Variants in EYS observed in about 807,000 individuals in gnomAD.
EYS encodes EGF-like photoreceptor maintenance factor, also known as protein eyes shut homolog.
Under a neutral mutation model 282.1 loss-of-function variants are expected in EYS, and 250 were observed. That is an observed-to-expected ratio of 0.89 (90% CI 0.80 to 0.98). The LOEUF is 0.98. Ranked by LOEUF, EYS falls within the 50% of genes least tolerant of loss-of-function variation. The probability of loss-of-function intolerance (pLI) is 0.00; values close to 1 mark genes in which losing one functional copy is unlikely to be tolerated. For synonymous variants in EYS, 1,355 were observed against 1,282.9 expected (o/e 1.06, Z -1.20); for missense variants, 4,016 against 3,709.0 (o/e 1.08, Z -2.15).
At chr6:65,407,781 G>C (rs1562159480) in intron 5 of EYS, among the ~76,000 whole-genome samples, 1 of 136,880 alleles carries the variant, frequency 7.3e-6, no homozygotes, top group Non-Finnish European at 1.6e-5. Context: ...GTGTGTGTGT[G>C]TGTGTATGTC....
In EYS at chr6:63,721,192, ACCTT is replaced by A; in HGVS notation, c.8835_8838del (p.Arg2946IlefsTer28). 6.4e-7 allele frequency: 1 copy of A among 1,551,668 alleles called. No homozygotes were observed. Among genetic ancestry groups the A allele is most frequent in the South Asian group, 1.2e-5 (1 of 84,060 alleles). ...GAAAATGAAGTTTTGTTTTCACAAT[ACCTT>A]CCCACCCAACCCAAAGTACACAGGC... On this transcript the variant is annotated frameshift_variant, in exon 43 of 43. Transcript: ENST00000503581. LOFTEE classifies it high-confidence loss of function.
chr6:65,516,476 G>A (rs150531441), intron 2 of EYS, among the ~76,000 whole-genome samples: 3 of 152,146 alleles, frequency 2.0e-5, no homozygotes, highest in African/African-American at 7.2e-5. Flanking sequence ...TTAGGATTAG[G>A]ACTGACAAGA....
At chr6:63,756,579 A>C (rs748026958) in intron 41 of EYS, among the ~76,000 whole-genome samples, 2 of 152,126 alleles carry the variant, frequency 1.3e-5, no homozygotes, top group Non-Finnish European at 2.9e-5. Context: ...ATATTGGCCT[A>C]AAATTCTCTT....
intron 12 of EYS, among the ~76,000 whole-genome samples, chr6:65,214,484 C>T (rs1766262250): frequency 6.6e-6 from 1 of 152,108 alleles, no homozygotes; most frequent in Admixed American, 6.5e-5. Context: ...AAGAAAAGTT[C>T]GAAGGTAGCA....
intron 22 of EYS, among the ~76,000 whole-genome samples, chr6:64,737,698 C>T (rs1349084474): frequency 1.3e-5 from 2 of 152,136 alleles, no homozygotes; most frequent in Non-Finnish European, 2.9e-5. Flanking sequence ...GACATCATGC[C>T]CAGTTTCTTA....
intron 22 of EYS, among the ~76,000 whole-genome samples, chr6:64,674,857 G>GA (rs916952701): frequency 4.4e-4 from 67 of 150,674 alleles, no homozygotes; most frequent in Middle Eastern, 3.2e-3. Context: ...ATTGCTTGGA[G>GA]AAAAAAAAAT....
At chr6:65,110,102 C>T (rs563571105) in intron 12 of EYS, among the ~76,000 whole-genome samples, 64 of 152,212 alleles carry the variant, frequency 4.2e-4, no homozygotes, top group Admixed American at 7.2e-4. Context: ...CACAAAACTT[C>T]CTGAAACCCT....
intron 2 of EYS, among the ~76,000 whole-genome samples, chr6:65,577,862 T>C (rs763479228): frequency 6.6e-6 from 1 of 151,534 alleles, no homozygotes; most frequent in Non-Finnish European, 1.5e-5. Flanking sequence ...ATCAGAGAAA[T>C]GTAAATCAAT....
chr6:65,688,063 C>G (rs987261812), intron 1 of EYS, among the ~76,000 whole-genome samples: 9 of 133,112 alleles, frequency 6.8e-5, no homozygotes, highest in Admixed American at 2.3e-4. Flanking sequence ...ACTTTCTTCA[C>G]AGAATTGGAA....
intron 9 of EYS, among the ~76,000 whole-genome samples, chr6:65,346,700 T>G (rs535184090): frequency 6.6e-6 from 1 of 151,804 alleles, no homozygotes; most frequent in South Asian, 2.1e-4. Context: ...AGAAACTACC[T>G]AAAAATGGAA....
chr6:65,269,388 G>A (rs1767839485), intron 12 of EYS, among the ~76,000 whole-genome samples: 1 of 152,094 alleles, frequency 6.6e-6, no homozygotes, highest in Admixed American at 6.6e-5. Flanking sequence ...TTGTATAAGG[G>A]GGATGTCATC....
At chr6:65,309,461 G>A (rs1041084422) in intron 11 of EYS, among the ~76,000 whole-genome samples, 2 of 152,090 alleles carry the variant, frequency 1.3e-5, no homozygotes, top group Non-Finnish European at 2.9e-5. Context: ...TGTTACAAAT[G>A]TTCTCAAAAA....
At chr6:63,877,841 T>C (rs1422607084) in intron 35 of EYS, among the ~76,000 whole-genome samples, 1 of 152,220 alleles carries the variant, frequency 6.6e-6, no homozygotes, top group African/African-American at 2.4e-5. Context: ...AGGTCTTCTC[T>C]ACACTGTTTA....
At chr6:63,983,329 T>C (rs950891341) in intron 35 of EYS, among the ~76,000 whole-genome samples, 8 of 151,848 alleles carry the variant, frequency 5.3e-5, no homozygotes, top group Non-Finnish European at 1.0e-4. Flanking sequence ...ACCATGCCTT[T>C]TTTATTTTTT....
At chr6:65,594,901 C>T (rs1232058715) in intron 2 of EYS, among the ~76,000 whole-genome samples, 1 of 152,068 alleles carries the variant, frequency 6.6e-6, no homozygotes, top group Non-Finnish European at 1.5e-5. Flanking sequence ...GTTTTCCCAG[C>T]ACCATTTATT....
At chr6:65,670,518 T>A (rs1250763258) in intron 1 of EYS, among the ~76,000 whole-genome samples, 1 of 152,082 alleles carries the variant, frequency 6.6e-6, no homozygotes, top group African/African-American at 2.4e-5. Flanking sequence ...CAGATGCCTA[T>A]GATCTTTATG....
rs1034250473 is a variant in EYS, at chr6:65,296,135, A to T, written c.1767-16T>A. On this transcript the variant is annotated splice_polypyrimidine_tract_variant and intron_variant, in intron 11 of 42. Transcript: ENST00000503581. ...ACAGCTGCATCTGAAACACAGAGAA[A>T]TGAAAAACCCAATTAGTCATATACT... 2 of 1,535,896 alleles carry T rather than the reference A, an allele frequency of 1.3e-6. No individual in the cohort carries two copies. The highest frequency in any genetic ancestry group is 2.2e-5 in the Admixed American group (1 of 45,988).
In EYS at chr6:64,540,012, A is replaced by G. The variant is rs532207288; in HGVS notation, c.5644+50211T>C. Among the ~76,000 whole-genome samples the G allele has an allele frequency of 5.3e-5, 8 of 152,330 alleles. No individual in the cohort carries two copies. In the East Asian group the frequency reaches 1.5e-3, roughly 29 times the overall value. On this transcript the variant is annotated intron_variant, in intron 26 of 42. Coordinates refer to ENST00000503581, the MANE Select transcript of EYS (RefSeq NM_001142800.2). ...TCCTCCTACTCTGAGAGCTGAGAAG[A>G]GAGGAACCATTTCCAAGCTGCTGCT...
chr6:65,254,919 C>T (rs1319178157), intron 12 of EYS, among the ~76,000 whole-genome samples: 1 of 151,756 alleles, frequency 6.6e-6, no homozygotes, highest in Non-Finnish European at 1.5e-5. Flanking sequence ...TTAAATAAAC[C>T]ATGCTCATAA....
Sources: gnomAD v4.1 joint callset for allele counts (sites outside exome capture counted in the v4.1 genomes callset) on GRCh38, gnomAD v4.1.1 for gene constraint, MANE v1.5 for transcripts, NCBI Gene and HGNC (gene_info 2026-07-23, HGNC 2026-07-21) for gene names.